The following GCLC variants were observed in gnomAD, a reference collection of about 807,000 sequenced individuals.
The protein encoded by GCLC is glutamate-cysteine ligase catalytic subunit, also known as glutamate--cysteine ligase catalytic subunit.
A neutral mutation model predicts 81.5 loss-of-function variants in GCLC; 30 were observed. That is an observed-to-expected ratio of 0.37 (90% CI 0.28 to 0.50). The LOEUF is 0.50. GCLC is among the 20% of genes least tolerant of loss of function. GCLC has a pLI of 0.96. For missense variants in GCLC, 556 were observed against 777.4 expected (o/e 0.72, Z 3.39); for synonymous variants, 262 against 273.3 (o/e 0.96, Z 0.41).
chr6:53,502,123 A>AGT (rs1764525032), intron 12 of GCLC, among the ~76,000 whole-genome samples: 1 of 152,244 alleles, frequency 6.6e-6, no homozygotes, highest in Non-Finnish European at 1.5e-5. Flanking sequence ...ACTTTTGAGA[A>AGT]GTGAAGATTT....
Position 53,506,212 on chromosome 6 carries a change from G to C in GCLC, c.1198-317C>G, listed in dbSNP as rs1764611207. On this transcript the variant is annotated intron_variant, in intron 10 of 15. Transcript: ENST00000650454. This position sits in a 1 kb window ranked among gnomAD's most constrained non-coding sequence, Gnocchi z 4.0. The stretch of plus-strand genomic sequence containing the variant: ...CCACCTTCATCCCTGAGAATTTTAG[G>C]AGCCAGCCTGCCTTTCCAGGTGACA... 1 of 355,802 alleles carries C rather than the reference G, an allele frequency of 2.8e-6. No individual in the cohort carries two copies. The highest frequency in any genetic ancestry group is 5.4e-6 in the Non-Finnish European group (1 of 185,318). 22.0% of individuals were successfully genotyped at this position (355,802 alleles called of 1,614,324 possible). A position where few individuals can be genotyped will look rare whatever the true frequency, so the allele number is the denominator to read the frequency against.
At chr6:53,541,524 C>G (rs550228662) in intron 1 of GCLC, among the ~76,000 whole-genome samples, 2 of 152,032 alleles carry the variant, frequency 1.3e-5, no homozygotes, top group African/African-American at 4.8e-5. Context: ...AAAAAATGAG[C>G]AGCGGGTTAT....
chr6:53,530,682 T>C (rs1763156847), intron 1 of GCLC, among the ~76,000 whole-genome samples: 1 of 152,190 alleles, frequency 6.6e-6, no homozygotes, highest in Non-Finnish European at 1.5e-5. Flanking sequence ...ACCGAGAATT[T>C]TACCAAGCAT....
chr6:53,534,488 A>AAAC (rs200494935), intron 1 of GCLC, among the ~76,000 whole-genome samples: 1 of 151,308 alleles, frequency 6.6e-6, no homozygotes, highest in Non-Finnish European at 1.5e-5. Flanking sequence ...AAAAAACAAA[A>AAAC]AAAAAAAAGA....
intron 1 of GCLC, among the ~76,000 whole-genome samples, chr6:53,538,136 C>CTTT (rs10588842): frequency 6.3e-5 from 5 of 78,900 alleles, no homozygotes; most frequent in African/African-American, 2.1e-4. Flanking sequence ...TTTTTCTTTC[C>CTTT]TTTTTTTTTT....
intron 8 of GCLC, among the ~76,000 whole-genome samples, chr6:53,508,129 T>C (rs577257568): frequency 6.6e-6 from 1 of 152,332 alleles, no homozygotes; most frequent in East Asian, 1.9e-4. Flanking sequence ...GGATAGGGTC[T>C]GGGTGTCTAT....
chr6:53,518,606 G>C (rs896449351), intron 3 of GCLC, among the ~76,000 whole-genome samples: 6 of 152,146 alleles, frequency 3.9e-5, no homozygotes, highest in Admixed American at 2.0e-4. Flanking sequence ...TCAAGGTAAA[G>C]GGCACATTAG....
chr6:53,533,236 A>C (rs1198238851), intron 1 of GCLC, among the ~76,000 whole-genome samples: 2 of 152,218 alleles, frequency 1.3e-5, no homozygotes, highest in Admixed American at 1.3e-4. Context: ...CCTTCTAAAA[A>C]CTATCATCAA....
Position 53,509,413 on chromosome 6 carries a change from G to A in GCLC, c.754-163C>T, listed in dbSNP as rs1038028490. ...GTTTTGTTTAAAAGTTGTCTTAGGT[G>A]AATTTAACTAGAAAATGGTATTTAA... On this transcript the variant is annotated intron_variant, in intron 6 of 15. Transcript: ENST00000650454. 2.7e-5 allele frequency: 18 copies of A among 663,604 alleles called. No homozygotes were observed. The Admixed American group carries it at 4.0e-4, about 15-fold the overall frequency. 41.1% of individuals were successfully genotyped at this position (663,604 alleles called of 1,614,324 possible).
At chr6:53,507,953 T>C (rs1764648819) in intron 8 of GCLC, among the ~76,000 whole-genome samples, 1 of 152,152 alleles carries the variant, frequency 6.6e-6, no homozygotes, top group African/African-American at 2.4e-5. Context: ...TCCTTTAAAG[T>C]TTATTTCTAC....
chr6:53,534,702 G>C (rs186030075), intron 1 of GCLC, among the ~76,000 whole-genome samples: 2 of 152,122 alleles, frequency 1.3e-5, no homozygotes, highest in Non-Finnish European at 2.9e-5. Context: ...TGAAGGTCCG[G>C]GGAAACCATT....
rs927350871 is a variant in GCLC at position 53,544,773 on chromosome 6, G to A, written c.-128C>T. 1.4e-4 allele frequency: 131 copies of A among 919,342 alleles called. No individual in the cohort carries two copies. The highest frequency in any genetic ancestry group is 3.2e-5 in the Admixed American group (1 of 31,638). The allele number at this position is 919,342 out of a possible 1,614,324, so 56.9% of individuals were successfully genotyped here. On this transcript the variant is annotated 5_prime_UTR_variant, in exon 1 of 16. Transcript: ENST00000650454. ...CACCCCGCGGGGGCGCTCTCGGGCC[G>A]CAGTCGGCGGAGGGAGGGTCCTGCC... is the stretch of plus-strand genomic sequence containing the variant.
intron 1 of GCLC, among the ~76,000 whole-genome samples, chr6:53,538,135 C>CTTTTTTTTT (rs1561952584): frequency 9.6e-6 from 1 of 103,888 alleles, no homozygotes; most frequent in East Asian, 3.3e-4. Flanking sequence ...TTTTTTCTTT[C>CTTTTTTTTT]CTTTTTTTTT....
rs1246114674 is a variant in GCLC, at chr6:53,514,150, T to A, written c.753+54A>T. 3 of 1,584,898 alleles carry A rather than the reference T, an allele frequency of 1.9e-6. No individual in the cohort carries two copies. The East Asian group carries it at 6.7e-5, about 35-fold the overall frequency. ...AGGAAACATGCATATATAAAGAAGT[T>A]AAAAAACAGAAATGGATGGAACACT... is the stretch of plus-strand genomic sequence containing the variant. On this transcript the variant is annotated intron_variant, in intron 6 of 15. Transcript: ENST00000650454.
rs1427276791 is a variant in GCLC, at chr6:53,520,142, A to C, written c.446+636T>G. On this transcript the variant is annotated intron_variant, in intron 3 of 15. Coordinates refer to ENST00000650454, the MANE Select transcript of GCLC (RefSeq NM_001498.4). ...TCTATGTATAATACATATGATATTC[A>C]TGTACCTCATTCTAAGCGAAGAACA... Among the ~76,000 whole-genome samples the C allele has an allele frequency of 2.6e-5, 4 of 152,328 alleles. No homozygotes were observed. The South Asian group carries it at 8.3e-4, about 32-fold the overall frequency.
At chr6:53,516,297 C>T in intron 3 of GCLC, 75 bp from the exon 4 acceptor site, 1 of 937,886 alleles carries the variant, frequency 1.1e-6, no homozygotes, top group Non-Finnish European at 1.8e-6. Flanking sequence ...GCCATCACTG[C>T]ACCTGCCAAA....
chr6:53,507,199 G>A (rs746402192), intron 9 of GCLC, 174 bp from the exon 10 acceptor site: 35 of 683,740 alleles, frequency 5.1e-5, no homozygotes, highest in Non-Finnish European at 8.1e-5. Flanking sequence ...TGCGGACACT[G>A]CGGGAGTGTC....
chr6:53,528,301 T>C (rs911202138), intron 1 of GCLC, among the ~76,000 whole-genome samples: 6 of 152,206 alleles, frequency 3.9e-5, no homozygotes, highest in Non-Finnish European at 5.9e-5. Context: ...TAGATATGTC[T>C]AATGATGACA....
At position 53,500,165 on chromosome 6, in the gene GCLC, C is replaced by G. The variant is rs748117393; in HGVS notation, c.1582G>C (p.Glu528Gln). Residue 528 changes from glutamate (E) to glutamine (Q), a missense_variant and splice_region_variant, in exon 15 of 16, where the codon GAA (glutamate) becomes CAA (glutamine). Physicochemically the swap from Glu to Gln is conservative, Grantham distance 29. This residue lies in a region of GCLC where 313 missense variants were observed against 437.3 expected (regional missense o/e 0.72). Coordinates refer to ENST00000650454, the MANE Select transcript of GCLC (RefSeq NM_001498.4). ...GGGATCAGTCCAGGAAACACACCTTCCTACAAGAAGCAGGACACTTTATGA... is the reference window on the plus strand; with the variant it reads ...GGGATCAGTCCAGGAAACACACCTTGCTACAAGAAGCAGGACACTTTATGA... ...MSIDTIINGK[E>Q]GVFPGLIPIL... The G allele has an allele frequency of 6.2e-7, 1 of 1,614,142 alleles. No homozygotes were observed. The highest frequency in any genetic ancestry group is 2.2e-5 in the East Asian group (1 of 44,878).
Sources: gnomAD v4.1 joint callset for allele counts (sites outside exome capture counted in the v4.1 genomes callset) on GRCh38, gnomAD v4.1.1 for gene constraint, gnomAD v4.1.1 regional missense constraint, Gnocchi (gnomAD v3.1) non-coding constraint, MANE v1.5 for transcripts, NCBI Gene and HGNC (gene_info 2026-07-23, HGNC 2026-07-21) for gene names.